SNX4: variants seen among roughly 807,000 people sequenced by gnomAD.
SNX4 encodes the protein sorting nexin 4.
In SNX4, 49 loss-of-function variants were observed where a neutral mutation model predicts 70.8. The observed-to-expected ratio is 0.69, with a 90% CI of 0.55 to 0.88. The LOEUF is 0.88. Ranked by LOEUF, SNX4 falls within the 40% of genes least tolerant of loss-of-function variation. The pLI is 0.00. For synonymous variants in SNX4, 206 were observed against 183.8 expected (o/e 1.12, Z -0.98); for missense variants, 528 against 544.8 (o/e 0.97, Z 0.31).
intron 10 of SNX4, among the ~76,000 whole-genome samples, chr3:125,458,534 C>T (rs943877001): frequency 7.2e-5 from 11 of 151,964 alleles, no homozygotes; most frequent in Non-Finnish European, 1.2e-4. Flanking sequence ...AGAAAAGATT[C>T]GGATGGGCGC....
chr3:125,469,345 C>A, intron 9 of SNX4, 109 bp downstream of exon 9: 1 of 702,966 alleles, frequency 1.4e-6, no homozygotes, highest in South Asian at 1.8e-5. Context: ...ACACATAGAG[C>A]GCAATATAAA....
intron 1 of SNX4, among the ~76,000 whole-genome samples, chr3:125,518,280 G>A (rs1935322514): frequency 6.6e-6 from 1 of 151,804 alleles, no homozygotes; most frequent in Non-Finnish European, 1.5e-5. Context: ...GCAACACAGA[G>A]ATACCTCATC....
In SNX4 at chr3:125,496,463, A is replaced by C. The variant is rs3821409; in HGVS notation, c.597+878T>G. On this transcript the variant is annotated intron_variant, in intron 5 of 13. Transcript: ENST00000251775. Reference sequence around the variant, plus strand: ...GAAGTGTTTTTTAAATTACTGTAAAAAAATTTTCTTCTTCTTGTCTAGACA... The same window carrying C: ...GAAGTGTTTTTTAAATTACTGTAAACAAATTTTCTTCTTCTTGTCTAGACA... Among the ~76,000 whole-genome samples, 295 of 152,282 alleles carry C rather than the reference A, an allele frequency of 1.9e-3. 8 individuals carry two copies. The East Asian group carries it at 0.05, about 26-fold the overall frequency.
In SNX4 at chr3:125,491,806, G is replaced by A. The variant is rs1209081416; in HGVS notation, c.598-2343C>T. Among the ~76,000 whole-genome samples, 4 of 152,202 alleles carry A rather than the reference G, an allele frequency of 2.6e-5. No individual in the cohort carries two copies. The South Asian group carries it at 8.3e-4, about 32-fold the overall frequency. On this transcript the variant is annotated intron_variant, in intron 5 of 13. Coordinates refer to ENST00000251775, the MANE Select transcript of SNX4 (RefSeq NM_003794.4). Reference sequence around the variant, plus strand: ...TTGTTCACTTGATTCTTGGCTGTCCGTTAAGAATATAAGAGCCATAAGCCG... The same window carrying A: ...TTGTTCACTTGATTCTTGGCTGTCCATTAAGAATATAAGAGCCATAAGCCG...
chr3:125,519,956 CCAG>C, intron 1 of SNX4, 73 bp downstream of exon 1: 10 of 1,158,220 alleles, frequency 8.6e-6, no homozygotes, highest in African/African-American at 1.7e-5. Flanking sequence ...CCGGCCCAGC[CCAG>C]CCCAGCCCAG....
chr3:125,510,352 T>A (rs1049732220), intron 1 of SNX4, among the ~76,000 whole-genome samples: 4 of 151,766 alleles, frequency 2.6e-5, no homozygotes, highest in African/African-American at 9.7e-5. Flanking sequence ...CGTCTCAGCC[T>A]CCCGAGAAGC....
At chr3:125,462,568 G>A (rs1933909643) in intron 9 of SNX4, among the ~76,000 whole-genome samples, 1 of 134,834 alleles carries the variant, frequency 7.4e-6, no homozygotes, top group African/African-American at 2.9e-5. Context: ...TCAAGCTGGG[G>A]TGACAGAGTT....
At position 125,480,278 on chromosome 3, in the gene SNX4, G is replaced by C. The variant is rs781567465; in HGVS notation, c.695C>G (p.Ser232Cys). 12 of 1,569,660 alleles carry C rather than the reference G, an allele frequency of 7.6e-6. No homozygotes were observed. Among genetic ancestry groups the C allele is most frequent in the Non-Finnish European group, 1.0e-5 (12 of 1,155,510 alleles). Residue 232 changes from serine (S) to cysteine (C), a missense_variant, in exon 7 of 14, where the codon TCT becomes TGT. Coordinates refer to ENST00000251775, the MANE Select transcript of SNX4 (RefSeq NM_003794.4). The stretch of plus-strand genomic sequence containing the variant: ...GACTCGAAGAAGATGTGAGATGACA[G>C]ACTGCAGTTCATCACTATAGTGCTT... ...DLKHYSDELQ[S>C]VISHLLRVRA...
chr3:125,519,034 T>A (rs771423770), intron 1 of SNX4, among the ~76,000 whole-genome samples: 31 of 151,514 alleles, frequency 2.0e-4, no homozygotes, highest in Non-Finnish European at 2.5e-4. Context: ...ATAAATTAAT[T>A]AATTAATTTA....
chr3:125,499,720 G>A (rs1934882259), intron 2 of SNX4, among the ~76,000 whole-genome samples: 1 of 148,614 alleles, frequency 6.7e-6, no homozygotes, highest in Admixed American at 6.8e-5. Flanking sequence ...AAGCCTATAA[G>A]CAGTACACCT....
chr3:125,509,076 T>C (rs1045347309), intron 1 of SNX4, among the ~76,000 whole-genome samples: 7 of 151,954 alleles, frequency 4.6e-5, no homozygotes, highest in African/African-American at 1.2e-4. Flanking sequence ...CTCATGCCTG[T>C]AATCTCAGCA....
At chr3:125,479,952 G>A (rs749335797) in intron 7 of SNX4, among the ~76,000 whole-genome samples, 8 of 152,030 alleles carry the variant, frequency 5.3e-5, no homozygotes, top group South Asian at 2.1e-4. Context: ...ATGATGTGTA[G>A]ATCTAAAATC....
chr3:125,502,803 G>A (rs1292721008), intron 2 of SNX4, among the ~76,000 whole-genome samples: 2 of 139,400 alleles, frequency 1.4e-5, no homozygotes, highest in Admixed American at 7.5e-5. Context: ...GCAGTGAGCC[G>A]AGATCGCGCC....
chr3:125,487,572 GCTTA>G (rs1214671910), intron 6 of SNX4, among the ~76,000 whole-genome samples: 17 of 152,082 alleles, frequency 1.1e-4, no homozygotes, highest in Admixed American at 1.1e-3. Context: ...CATACACTTA[GCTTA>G]CTAAGTTTTC....
intron 8 of SNX4, among the ~76,000 whole-genome samples, chr3:125,473,197 C>T (rs749465482): frequency 6.6e-6 from 1 of 152,134 alleles, no homozygotes; most frequent in Non-Finnish European, 1.5e-5. Flanking sequence ...CCTCCCTCCC[C>T]GCTCTGGCAG....
intron 5 of SNX4, among the ~76,000 whole-genome samples, chr3:125,495,743 G>T (rs1436434851): frequency 6.6e-6 from 1 of 152,058 alleles, no homozygotes; most frequent in Non-Finnish European, 1.5e-5. Flanking sequence ...ACTATTAACT[G>T]CAGTAAAGAC....
At chr3:125,510,818 A>G (rs1299811684) in intron 1 of SNX4, among the ~76,000 whole-genome samples, 1 of 152,238 alleles carries the variant, frequency 6.6e-6, no homozygotes, top group Admixed American at 6.5e-5. Context: ...TGCAAGATGA[A>G]AAGAGTTCTG....
At chr3:125,492,692 C>G (rs1282112248) in intron 5 of SNX4, among the ~76,000 whole-genome samples, 1 of 152,156 alleles carries the variant, frequency 6.6e-6, no homozygotes, top group Non-Finnish European at 1.5e-5. Flanking sequence ...TCTCCAATCA[C>G]TAAAATATAA....
Position 125,497,820 on chromosome 3 carries a change from T to C in SNX4, c.549+14A>G. On this transcript the variant is annotated intron_variant, in intron 4 of 13. Coordinates refer to ENST00000251775, the MANE Select transcript of SNX4 (RefSeq NM_003794.4). ...AAATGAATATTTTACTAAGACTAAA[T>C]AAAAGAAAAATACCTGTGTTAAAAA... is the stretch of plus-strand genomic sequence containing the variant. 6.4e-7 allele frequency: 1 copy of C among 1,555,530 alleles called. No individual in the cohort carries two copies. The highest frequency in any genetic ancestry group is 8.7e-7 in the Non-Finnish European group (1 of 1,152,604).
Sources: gnomAD v4.1 joint callset for allele counts (sites outside exome capture counted in the v4.1 genomes callset) on GRCh38, gnomAD v4.1.1 for gene constraint, MANE v1.5 for transcripts, NCBI Gene and HGNC (gene_info 2026-07-23, HGNC 2026-07-21) for gene names.